Variants in NCOA2 observed in about 807,000 individuals in gnomAD.
The protein encoded by NCOA2 is nuclear receptor coactivator 2.
In NCOA2, 21 loss-of-function variants were observed where a neutral mutation model predicts 145.1. That is an observed-to-expected ratio of 0.14 (90% confidence interval 0.10 to 0.21). The LOEUF is 0.21. NCOA2 is among the 10% of genes least tolerant of loss of function. NCOA2 has a pLI of 1.00. For missense variants in NCOA2, 1,472 were observed against 1,837.6 expected (o/e 0.80, Z 3.64); for synonymous variants, 619 against 637.5 (o/e 0.97, Z 0.44).
chr8:70,133,094 A>G (rs1037453617), intron 15 of NCOA2, among the ~76,000 whole-genome samples: 4 of 145,108 alleles, frequency 2.8e-5, no homozygotes, highest in African/African-American at 5.0e-5. Context: ...GTGTGTGTGT[A>G]TGTGTGTAGT....
chr8:70,314,460 T>C (rs556074131), intron 1 of NCOA2, among the ~76,000 whole-genome samples: 19 of 152,204 alleles, frequency 1.2e-4, no homozygotes, highest in African/African-American at 4.1e-4. Flanking sequence ...GAAGGTCACA[T>C]TAAAAAAATT....
chr8:70,332,906 G>A (rs184335769), intron 1 of NCOA2, among the ~76,000 whole-genome samples: 3 of 152,206 alleles, frequency 2.0e-5, no homozygotes, highest in Admixed American at 1.3e-4. Flanking sequence ...TTTTATTCAT[G>A]GAGTACAATG....
chr8:70,312,885 C>A (rs1253289326), intron 1 of NCOA2, among the ~76,000 whole-genome samples: 1 of 152,170 alleles, frequency 6.6e-6, no homozygotes, highest in Admixed American at 6.5e-5. Context: ...AAAAGGTCTC[C>A]TTCTTAGCTA....
chr8:70,252,423 A>G (rs1221929960), intron 2 of NCOA2, among the ~76,000 whole-genome samples: 1 of 152,174 alleles, frequency 6.6e-6, no homozygotes, highest in Admixed American at 6.5e-5. Context: ...TTTAAAAAAT[A>G]AAACAAAATA....
chr8:70,343,131 AG>A (rs1415164167), intron 1 of NCOA2, among the ~76,000 whole-genome samples: 2 of 152,200 alleles, frequency 1.3e-5, no homozygotes, highest in Admixed American at 1.3e-4. Context: ...GTAACTCCAT[AG>A]GTTAGTAAAA....
At chr8:70,140,838 C>T (rs1810326856) in intron 14 of NCOA2, among the ~76,000 whole-genome samples, 1 of 152,018 alleles carries the variant, frequency 6.6e-6, no homozygotes, top group Non-Finnish European at 1.5e-5. Context: ...CTCAAGTGAT[C>T]CTCCTGCCTC....
Position 70,162,703 on chromosome 8 carries a change from A to T in NCOA2, c.976+8T>A. 6.2e-7 allele frequency: 1 copy of T among 1,600,894 alleles called. No individual in the cohort carries two copies. Among genetic ancestry groups the T allele is most frequent in the Non-Finnish European group, 8.5e-7 (1 of 1,173,984 alleles). On this transcript the variant is annotated splice_region_variant and intron_variant, in intron 9 of 22. Coordinates refer to ENST00000452400, the MANE Select transcript of NCOA2 (RefSeq NM_006540.4). ...ATAATTTAAGAAAAATCATTTAGAGATGCTTACCTTCATGATGATGCCTCT... is the reference window on the plus strand; with the variant it reads ...ATAATTTAAGAAAAATCATTTAGAGTTGCTTACCTTCATGATGATGCCTCT...
At chr8:70,167,964 G>A (rs1174189931) in intron 6 of NCOA2, among the ~76,000 whole-genome samples, 1 of 152,148 alleles carries the variant, frequency 6.6e-6, no homozygotes, top group Admixed American at 6.5e-5. Context: ...TCTCATTTTG[G>A]TGTTCTTTTC....
chr8:70,162,910 A>ATTTTTTTTTTTTTTTTTTTTTTTTTTTTT (rs754512363), intron 8 of NCOA2, 56 bp from the exon 9 acceptor site: 1 of 905,100 alleles, frequency 1.1e-6, no homozygotes, highest in Non-Finnish European at 1.4e-6. Context: ...TTATGGAAAT[A>ATTTTTTTTTTTTTTTTTTTTTTTTTTTTT]ATTTTTTTTT....
At chr8:70,263,598 T>A (rs1483439710) in intron 2 of NCOA2, among the ~76,000 whole-genome samples, 1 of 151,892 alleles carries the variant, frequency 6.6e-6, no homozygotes, top group Non-Finnish European at 1.5e-5. Context: ...TCAATATCTG[T>A]AAGTCAATAT....
At chr8:70,246,054 T>A (rs7822072) in intron 2 of NCOA2, among the ~76,000 whole-genome samples, 1 of 152,054 alleles carries the variant, frequency 6.6e-6, no homozygotes, top group Non-Finnish European at 1.5e-5. Context: ...TCTTAAAAAA[T>A]AATAATCAGA....
the NCOA2 span, among the ~76,000 whole-genome samples, chr8:70,418,439 T>C: frequency 6.6e-6 from 1 of 152,240 alleles, no homozygotes; most frequent in East Asian, 1.9e-4. Flanking sequence ...GGTCCCGTTC[T>C]GTGGATACCA....
At chr8:70,293,845 T>C (rs1050372035) in intron 2 of NCOA2, among the ~76,000 whole-genome samples, 7 of 152,190 alleles carry the variant, frequency 4.6e-5, no homozygotes, top group African/African-American at 1.7e-4. Context: ...TTAAAAATCA[T>C]AGTTCAGTCT....
intron 2 of NCOA2, among the ~76,000 whole-genome samples, chr8:70,232,944 C>T (rs1050392275): frequency 2.6e-5 from 4 of 151,224 alleles, no homozygotes; most frequent in Non-Finnish European, 4.4e-5. Context: ...TAATACATGT[C>T]GGCCAGGCGC....
intron 12 of NCOA2, among the ~76,000 whole-genome samples, chr8:70,147,113 C>CGCGG (rs1554573841): frequency 1.2e-3 from 118 of 97,106 alleles, no homozygotes; most frequent in African/African-American, 5.6e-3. Flanking sequence ...AAATCTTTCG[C>CGCGG]GCGCGCGCGC....
At chr8:70,160,728 T>C (rs1203987112) in intron 9 of NCOA2, among the ~76,000 whole-genome samples, 1 of 149,106 alleles carries the variant, frequency 6.7e-6, no homozygotes, top group African/African-American at 2.5e-5. Flanking sequence ...GATTCTAATT[T>C]CTTCGTAAAA....
At chr8:70,165,895 C>A (rs1390869870) in intron 7 of NCOA2, among the ~76,000 whole-genome samples, 1 of 152,182 alleles carries the variant, frequency 6.6e-6, no homozygotes, top group African/African-American at 2.4e-5. Flanking sequence ...TCTTGGCTAA[C>A]TGCAACCTCC....
At chr8:70,150,833 T>TA (rs764426013) in intron 11 of NCOA2, among the ~76,000 whole-genome samples, 3 of 152,208 alleles carry the variant, frequency 2.0e-5, no homozygotes, top group East Asian at 3.8e-4. Context: ...ACACAAACTT[T>TA]AAAAAATCTT....
At chr8:70,251,869 C>G (rs1823210360) in intron 2 of NCOA2, among the ~76,000 whole-genome samples, 1 of 152,176 alleles carries the variant, frequency 6.6e-6, no homozygotes, top group Non-Finnish European at 1.5e-5. Flanking sequence ...TAACCATTGT[C>G]TCTGGTTAGA....
Sources: gnomAD v4.1 joint callset for allele counts (sites outside exome capture counted in the v4.1 genomes callset) on GRCh38, gnomAD v4.1.1 for gene constraint, MANE v1.5 for transcripts, NCBI Gene and HGNC (gene_info 2026-07-23, HGNC 2026-07-21) for gene names.